The following ZNF77 variants were observed in gnomAD, a reference collection of about 807,000 sequenced individuals.
ZNF77 encodes the protein zinc finger protein 77.
Under a neutral mutation model 13.5 loss-of-function variants are expected in ZNF77, and 15 were observed. The observed-to-expected ratio is 1.11, with a 90% CI of 0.74 to 1.71. The LOEUF (loss-of-function observed/expected upper bound fraction) is 1.71. Ranked by LOEUF, ZNF77 falls within the 40% of genes most tolerant of loss-of-function variation. The pLI is 0.00. For synonymous variants in ZNF77, 282 were observed against 250.0 expected, an observed-to-expected ratio of 1.13 and a Z score of -1.21; for missense variants, 717 against 676.4, an observed-to-expected ratio of 1.06 and a Z score of -0.67.
chr19:2,939,553 G>T, intron 1 of ZNF77, 146 bp from the exon 2 acceptor site: 3 of 1,152,800 alleles, frequency 2.6e-6, no homozygotes, highest in Non-Finnish European at 3.7e-6. Context: ...AAAAAGTGCA[G>T]TACACTCAAT....
At chr19:2,940,563 C>G (rs940536258) in intron 1 of ZNF77, among the ~76,000 whole-genome samples, 1 of 151,618 alleles carries the variant, frequency 6.6e-6, no homozygotes, top group Non-Finnish European at 1.5e-5. Flanking sequence ...GTCTCAGCTA[C>G]TCAGGAGGCT....
At chr19:2,940,450 G>A (rs189768255) in intron 1 of ZNF77, among the ~76,000 whole-genome samples, 1,106 of 152,072 alleles carry the variant, frequency 7.3e-3, no homozygotes, top group Non-Finnish European at 0.012. Context: ...TAAGGTGGGC[G>A]GATCACAAGG....
At chr19:2,935,157 T>A (rs2088384679) in intron 3 of ZNF77, among the ~76,000 whole-genome samples, 1 of 151,706 alleles carries the variant, frequency 6.6e-6, no homozygotes, top group Non-Finnish European at 1.5e-5. Flanking sequence ...TGGCTGGGAT[T>A]ACAGGCGCCT....
At chr19:2,940,045 T>C (rs2088435643) in intron 1 of ZNF77, among the ~76,000 whole-genome samples, 1 of 151,998 alleles carries the variant, frequency 6.6e-6, no homozygotes, top group African/African-American at 2.4e-5. Context: ...CAAATTTTAT[T>C]ATTTCTTATT....
intron 1 of ZNF77, among the ~76,000 whole-genome samples, chr19:2,943,114 G>C (rs968424277): frequency 3.3e-5 from 5 of 151,968 alleles, no homozygotes; most frequent in African/African-American, 1.2e-4. Context: ...CATACTTGAC[G>C]GTCACAGAGC....
chr19:2,934,187 G>T lies in ZNF77; in HGVS notation c.940C>A (p.His314Asn). The change falls in exon 4 of 4, where the codon CAC (histidine) becomes AAC (asparagine). Residue 314 changes from histidine to asparagine, a missense_variant. By Grantham distance (68) the His-to-Asn change is moderately conservative. Transcript: ENST00000314531. ...TTCTCTCCAGTGTGCGTCCTCACGT[G>T]ATCTCTAAAGGAGGAGTAACAGCTG... ...SFSCYSSFRD[H>N]VRTHTGEKPC... 1 of 1,614,194 alleles carries T rather than the reference G, an allele frequency of 6.2e-7. No homozygotes were observed. Among genetic ancestry groups the T allele is most frequent in the African/African-American group, 1.3e-5 (1 of 75,054 alleles).
chr19:2,941,629 G>C (rs1465087869), intron 1 of ZNF77, among the ~76,000 whole-genome samples: 2 of 152,048 alleles, frequency 1.3e-5, no homozygotes, highest in African/African-American at 4.8e-5. Flanking sequence ...TTAATGATTA[G>C]GGTCTCATGC....
At chr19:2,937,460 G>A (rs1407062812) in intron 2 of ZNF77, among the ~76,000 whole-genome samples, 2 of 151,516 alleles carry the variant, frequency 1.3e-5, no homozygotes, top group Non-Finnish European at 2.9e-5. Context: ...ACTCCAGCCT[G>A]GGCAATGGGC....
chr19:2,937,670 G>C (rs1000962104), intron 2 of ZNF77, among the ~76,000 whole-genome samples: 1 of 152,064 alleles, frequency 6.6e-6, no homozygotes, highest in African/African-American at 2.4e-5. Context: ...GGAGGACAGT[G>C]CAGGGGGGTG....
chr19:2,939,556 C>G, intron 1 of ZNF77, 149 bp from the exon 2 acceptor site: 2 of 1,089,794 alleles, frequency 1.8e-6, no homozygotes, highest in South Asian at 3.0e-5. Context: ...AAGTGCAGTA[C>G]ACTCAATGCC....
intron 2 of ZNF77, among the ~76,000 whole-genome samples, chr19:2,937,027 T>C (rs183225582): frequency 2.9e-4 from 44 of 151,810 alleles, no homozygotes; most frequent in Admixed American, 2.8e-3. Flanking sequence ...TAAACAACAA[T>C]AAAAAATTTA....
rs187642929 is a variant in ZNF77, at chr19:2,937,035, T to G, written c.131-331A>C. On this transcript the variant is annotated intron_variant, in intron 2 of 3. Transcript: ENST00000314531. ...TCATCTCTAAACAACAATAAAAAAT[T>G]TAAATTAGCCAGGCGTGGTGTTGTG... 1.9e-4 allele frequency among the ~76,000 whole-genome samples: 29 copies of G among 151,642 alleles called. No homozygotes were observed. In the East Asian group the frequency reaches 5.1e-3, roughly 27 times the overall value.
At position 2,934,542 on chromosome 19, in the gene ZNF77, T is replaced by C. The variant is rs1404365761; in HGVS notation, c.585A>G (p.Ser195=). The C allele has an allele frequency of 6.2e-7, 1 of 1,614,224 alleles. No individual in the cohort carries two copies. The change falls in exon 4 of 4, where the codon TCA becomes TCG. Residue 195 remains serine, a synonymous_variant. Transcript: ENST00000314531. ...TVEKPCNCQD[S]RTASVTYVKS... ...TCACGTATGTCACAGATGCTGTCCTTGAGTCCTGGCAATTACAGGGTTTCT... is the reference window on the plus strand; with the variant it reads ...TCACGTATGTCACAGATGCTGTCCTCGAGTCCTGGCAATTACAGGGTTTCT...
rs2088359194 is a variant in ZNF77 at position 2,933,253 on chromosome 19, T to C, written c.*236A>G. The C allele has an allele frequency of 2.4e-6, 1 of 409,346 alleles. No individual in the cohort carries two copies. Among genetic ancestry groups the C allele is most frequent in the African/African-American group, 2.0e-5 (1 of 48,942 alleles). The allele number at this position is 409,346 out of a possible 1,614,324, so 25.4% of individuals were successfully genotyped here. On this transcript the variant is annotated 3_prime_UTR_variant, in exon 4 of 4. Coordinates refer to ENST00000314531, the MANE Select transcript of ZNF77 (RefSeq NM_021217.3). ...CAAAACAGGATATTTATTAAATGTT[T>C]ATATCACAAACATACACTAGAAATT... is the stretch of plus-strand genomic sequence containing the variant.
rs1825603573 is a variant in ZNF77, at chr19:2,933,327, AT to A, written c.*161del. On this transcript the variant is annotated 3_prime_UTR_variant, in exon 4 of 4. Coordinates refer to ENST00000314531, the MANE Select transcript of ZNF77 (RefSeq NM_021217.3). ...GGCTGAGGCATGTAAAGGCAATACCATATTAATCATAATTAAGAGATTTCTC... is the reference window on the plus strand; with the variant it reads ...GGCTGAGGCATGTAAAGGCAATACCAATTAATCATAATTAAGAGATTTCTC... The A allele has an allele frequency of 1.3e-6, 1 of 759,512 alleles. No individual in the cohort carries two copies. Among genetic ancestry groups the A allele is most frequent in the Admixed American group, 3.1e-5 (1 of 31,990 alleles). The allele number at this position is 759,512 out of a possible 1,614,324, so 47.0% of individuals were successfully genotyped here. A position where few individuals can be genotyped will look rare whatever the true frequency, so the allele number is the denominator to read the frequency against.
intron 2 of ZNF77, 64 bp from the exon 3 acceptor site, chr19:2,936,768 T>C (rs1019195202): frequency 4.1e-6 from 6 of 1,463,898 alleles, no homozygotes; most frequent in African/African-American, 1.4e-5. Context: ...ATAGACCACA[T>C]ACGGATTTCT....
In ZNF77 at chr19:2,933,792, G is replaced by A; in HGVS notation, c.1335C>T (p.Phe445=). The change falls in exon 4 of 4, where the codon TTC becomes TTT. Residue 445 remains phenylalanine (F), a synonymous_variant. Coordinates refer to ENST00000314531, the MANE Select transcript of ZNF77 (RefSeq NM_021217.3). ...PFECKHCGKA[F]SCHSSLREHV... is the part of the protein sequence containing the mutation. ...GCTCTCGAAGGGAGGAGTGACAGCT[G>A]AAGGCTTTCCCACAATGCTTACACT... 6.2e-7 allele frequency: 1 copy of A among 1,613,294 alleles called. No individual in the cohort carries two copies. Among genetic ancestry groups the A allele is most frequent in the Non-Finnish European group, 8.5e-7 (1 of 1,179,328 alleles).
At position 2,934,674 on chromosome 19, in the gene ZNF77, G is replaced by A. The variant is rs73527670; in HGVS notation, c.453C>T (p.Phe151=). The A allele has an allele frequency of 9.5e-4, 1,533 of 1,614,028 alleles. 6 individuals carry two copies. The African/African-American group carries it at 0.017, about 18-fold the overall frequency. Residue 151 remains phenylalanine, a synonymous_variant, in exon 4 of 4, where the codon TTC becomes TTT. Transcript: ENST00000314531. ...PSECTKCGKA[F]ENRQRSHTGQ... is the part of the protein sequence containing the mutation. ...CAGTGTGAGATCTCTGCCGATTCTC[G>A]AAGGCTTTGCCACACTTAGTGCACT...
chr19:2,941,430 T>A (rs2088447539), intron 1 of ZNF77, among the ~76,000 whole-genome samples: 1 of 151,708 alleles, frequency 6.6e-6, no homozygotes, highest in South Asian at 2.1e-4. Context: ...TGAGCTGAGA[T>A]CAAGCCACTG....
Sources: allele counts gnomAD v4.1 joint callset (sites outside exome capture counted in the v4.1 genomes callset), GRCh38; gene constraint gnomAD v4.1.1; transcripts MANE v1.5; gene names NCBI Gene and HGNC (gene_info 2026-07-23, HGNC 2026-07-21).